Variants in NDUFS4 observed in about 807,000 individuals in gnomAD.
NDUFS4 encodes the protein NADH dehydrogenase [ubiquinone] iron-sulfur protein 4, mitochondrial.
NDUFS4 carries 28 observed loss-of-function variants against 24.3 expected under a neutral mutation model. The observed-to-expected ratio is 1.15, with a 90% CI of 0.85 to 1.58. The LOEUF (loss-of-function observed/expected upper bound fraction) is 1.58, where lower values mean the gene tolerates loss of function less well. Among genes scored for constraint, NDUFS4 ranks in the 40% most tolerant of loss-of-function variants. NDUFS4 has a pLI of 0.00. For missense variants in NDUFS4, 223 were observed against 207.9 expected (o/e 1.07, Z -0.45); for synonymous variants, 93 against 69.7 (o/e 1.34, Z -1.67).
At chr5:53,622,471 G>A (rs1430372707) in intron 2 of NDUFS4, among the ~76,000 whole-genome samples, 3 of 152,044 alleles carry the variant, frequency 2.0e-5, no homozygotes, top group Non-Finnish European at 4.4e-5. Context: ...GAAAAAGCAG[G>A]TGAGCTTTGT....
intron 1 of NDUFS4, among the ~76,000 whole-genome samples, chr5:53,570,198 C>T (rs550034738): frequency 1.3e-4 from 20 of 152,166 alleles, no homozygotes; most frequent in African/African-American, 4.3e-4. Context: ...CTTCCCTGAC[C>T]GCTGTAATCC....
chr5:53,619,340 G>C (rs1294734924), intron 2 of NDUFS4, among the ~76,000 whole-genome samples: 1 of 148,670 alleles, frequency 6.7e-6, no homozygotes, highest in Non-Finnish European at 1.5e-5. Flanking sequence ...CGGGTGTGGT[G>C]GCGGGTGCTT....
intron 1 of NDUFS4, among the ~76,000 whole-genome samples, chr5:53,561,173 G>A (rs1748832249): frequency 6.6e-6 from 1 of 152,276 alleles, no homozygotes; most frequent in Non-Finnish European, 1.5e-5. Flanking sequence ...TTAAATCACT[G>A]TATCCCTTCC....
chr5:53,680,252 T>A (rs941896225), intron 4 of NDUFS4, among the ~76,000 whole-genome samples: 4 of 152,118 alleles, frequency 2.6e-5, no homozygotes, highest in Non-Finnish European at 4.4e-5. Context: ...ACTCTGTACA[T>A]AAAATTTCAA....
At chr5:53,675,157 CTTTTTTT>C (rs70983372) in intron 4 of NDUFS4, among the ~76,000 whole-genome samples, 2 of 102,950 alleles carry the variant, frequency 1.9e-5, no homozygotes. Context: ...AACAGAGTTC[CTTTTTTT>C]TTTTTTTTTT....
At position 53,560,645 on chromosome 5, in the gene NDUFS4, G is replaced by C. The variant is rs373708835; in HGVS notation, c.-18G>C. 2.5e-6 allele frequency: 4 copies of C among 1,614,110 alleles called. No individual in the cohort carries two copies. The highest frequency in any genetic ancestry group is 3.4e-6 in the Non-Finnish European group (4 of 1,180,050). On this transcript the variant is annotated 5_prime_UTR_variant, in exon 1 of 5. Transcript: ENST00000296684. Reference sequence around the variant, plus strand: ...TGCGGTGATCCGTCCTTTCATCCTGGCGTTTGCCTGCAGCAAGATGGCGGC... The same window carrying C: ...TGCGGTGATCCGTCCTTTCATCCTGCCGTTTGCCTGCAGCAAGATGGCGGC...
intron 2 of NDUFS4, among the ~76,000 whole-genome samples, chr5:53,624,697 G>C (rs945022465): frequency 6.6e-6 from 1 of 152,114 alleles, no homozygotes; most frequent in Non-Finnish European, 1.5e-5. Context: ...CAACCTTGGT[G>C]AATTTGTTTA....
chr5:53,610,654 T>G (rs144139490), intron 2 of NDUFS4, among the ~76,000 whole-genome samples: 1 of 152,266 alleles, frequency 6.6e-6, no homozygotes, highest in Non-Finnish European at 1.5e-5. Flanking sequence ...TCCCAGTAGT[T>G]TTTAACAGTA....
intron 2 of NDUFS4, among the ~76,000 whole-genome samples, chr5:53,624,541 A>G (rs145833761): frequency 1.3e-3 from 200 of 152,238 alleles, no homozygotes; most frequent in African/African-American, 4.6e-3. Flanking sequence ...TCAGTGTACA[A>G]ATCTTTCGTT....
intron 2 of NDUFS4, among the ~76,000 whole-genome samples, chr5:53,620,448 G>A (rs1352475505): frequency 6.6e-6 from 1 of 152,086 alleles, no homozygotes; most frequent in East Asian, 1.9e-4. Context: ...ATGTATCATT[G>A]TACTATAAAT....
chr5:53,574,490 C>G (rs1022720376), intron 1 of NDUFS4, among the ~76,000 whole-genome samples: 5 of 152,102 alleles, frequency 3.3e-5, no homozygotes, highest in African/African-American at 1.2e-4. Context: ...ATTTTTACAT[C>G]TGTGTTTATG....
intron 2 of NDUFS4, among the ~76,000 whole-genome samples, chr5:53,624,080 A>G (rs930084152): frequency 6.6e-6 from 1 of 152,198 alleles, no homozygotes; most frequent in Non-Finnish European, 1.5e-5. Context: ...TTCATTCTTT[A>G]GAATTGGATA....
At chr5:53,586,538 T>C (rs374338705) in intron 1 of NDUFS4, among the ~76,000 whole-genome samples, 9 of 152,152 alleles carry the variant, frequency 5.9e-5, no homozygotes, top group African/African-American at 2.2e-4. Context: ...ATTTATTTAT[T>C]TTGAGACGGA....
chr5:53,647,928 T>C (rs1751912891), intron 3 of NDUFS4, among the ~76,000 whole-genome samples: 1 of 152,202 alleles, frequency 6.6e-6, no homozygotes, highest in Non-Finnish European at 1.5e-5. Flanking sequence ...TTTCTTATGT[T>C]GCAGTTTAAT....
At chr5:53,618,614 T>C (rs1465410261) in intron 2 of NDUFS4, among the ~76,000 whole-genome samples, 1 of 152,196 alleles carries the variant, frequency 6.6e-6, no homozygotes, top group Non-Finnish European at 1.5e-5. Context: ...TCTGTGATAT[T>C]ATCTCTCAAT....
At chr5:53,635,297 A>C (rs1451567692) in intron 2 of NDUFS4, among the ~76,000 whole-genome samples, 4 of 151,516 alleles carry the variant, frequency 2.6e-5, no homozygotes, top group Non-Finnish European at 4.4e-5. Context: ...AGGCGGGTGG[A>C]TTGCTGGAGT....
intron 4 of NDUFS4, among the ~76,000 whole-genome samples, chr5:53,676,342 G>A (rs1477066328): frequency 1.3e-5 from 2 of 152,084 alleles, no homozygotes; most frequent in Admixed American, 6.6e-5. Context: ...CTTATCCCTC[G>A]GGATATACAT....
chr5:53,641,509 C>T (rs1167228146), intron 2 of NDUFS4, among the ~76,000 whole-genome samples: 1 of 152,120 alleles, frequency 6.6e-6, no homozygotes, highest in Non-Finnish European at 1.5e-5. Flanking sequence ...ACACTTGATT[C>T]ATTGCCTGGT....
In NDUFS4 at chr5:53,603,433, T is replaced by C; in HGVS notation, c.99-19T>C. Reference sequence around the variant, plus strand: ...CTCATTGCCTGGATCCTTTTTTAACTTAAAGTCTTGCACTGCAGGTCGTTG... The same window carrying C: ...CTCATTGCCTGGATCCTTTTTTAACCTAAAGTCTTGCACTGCAGGTCGTTG... On this transcript the variant is annotated intron_variant, in intron 1 of 4. Coordinates refer to ENST00000296684, the MANE Select transcript of NDUFS4 (RefSeq NM_002495.4). The C allele has an allele frequency of 6.2e-7, 1 of 1,606,238 alleles. No homozygotes were observed. The highest frequency in any genetic ancestry group is 2.2e-5 in the East Asian group (1 of 44,754).
Sources: gnomAD v4.1 joint callset for allele counts (sites outside exome capture counted in the v4.1 genomes callset) on GRCh38, gnomAD v4.1.1 for gene constraint, MANE v1.5 for transcripts, NCBI Gene and HGNC (gene_info 2026-07-23, HGNC 2026-07-21) for gene names.